Variants in COLEC10 observed in about 807,000 individuals in gnomAD.
COLEC10 encodes collectin-10.
COLEC10 carries 22 observed loss-of-function variants against 28.4 expected under a neutral mutation model. That is an observed-to-expected ratio of 0.78 (90% CI 0.55 to 1.11). The LOEUF (loss-of-function observed/expected upper bound fraction) is 1.11, where lower values mean the gene tolerates loss of function less well. Ranked by LOEUF, COLEC10 falls within the 50% of genes least tolerant of loss-of-function variation. COLEC10 has a pLI of 0.00. For missense variants in COLEC10, 361 were observed against 344.1 expected (o/e 1.05, Z -0.39); for synonymous variants, 125 against 116.1 (o/e 1.08, Z -0.49).
intron 2 of COLEC10, among the ~76,000 whole-genome samples, chr8:119,032,703 C>T (rs931083900): frequency 5.3e-5 from 8 of 152,130 alleles, no homozygotes; most frequent in African/African-American, 1.9e-4. Flanking sequence ...AGATTGAGAC[C>T]ACCCTGGCTA....
intron 3 of COLEC10, among the ~76,000 whole-genome samples, chr8:119,095,309 A>G (rs952324410): frequency 2.6e-5 from 4 of 152,238 alleles, no homozygotes; most frequent in Non-Finnish European, 5.9e-5. Context: ...ATCTAAGGTA[A>G]TGAAGGTAAA....
chr8:119,067,653 C>T lies in COLEC10; in HGVS notation c.148+224C>T, dbSNP rs918306282. ...GATGTTGGGAAGGGGAAACCCAGGA[C>T]GGAGATCTGAGGGAACTTACCCAGG... On this transcript the variant is annotated intron_variant, in intron 1 of 5. Coordinates refer to ENST00000332843, the MANE Select transcript of COLEC10 (RefSeq NM_006438.5). 9 of 479,218 alleles carry T rather than the reference C, an allele frequency of 1.9e-5. 1 individual carries two copies. In the South Asian group the frequency reaches 2.1e-4, roughly 11 times the overall value. The allele number at this position is 479,218 out of a possible 1,614,324, so 29.7% of individuals were successfully genotyped here. A position where few individuals can be genotyped will look rare whatever the true frequency, so the allele number is the denominator to read the frequency against.
chr8:119,106,398 C>G lies in COLEC10; in HGVS notation c.*207C>G. The G allele has an allele frequency of 1.9e-6, 1 of 514,938 alleles. No individual in the cohort carries two copies. Among genetic ancestry groups the G allele is most frequent in the South Asian group, 2.9e-5 (1 of 34,624 alleles). The allele number at this position is 514,938 out of a possible 1,614,324, so 31.9% of individuals were successfully genotyped here. On this transcript the variant is annotated 3_prime_UTR_variant, in exon 6 of 6. Transcript: ENST00000332843. The stretch of plus-strand genomic sequence containing the variant: ...GGTATATTATTGACCCAATAACTCG[C>G]CAGGTTACATGGGTCTTGAGAGAGA...
chr8:119,049,990 T>G (rs1443323002), intron 2 of COLEC10, among the ~76,000 whole-genome samples: 2 of 152,186 alleles, frequency 1.3e-5, no homozygotes, highest in African/African-American at 4.8e-5. Context: ...TGAAGTTGAT[T>G]GCCTGTTCTC....
rs181530860 is a variant in COLEC10 at position 119,096,938 on chromosome 8, G to A, written c.293-5410G>A. ...TTATACTTTGCTTCACTATACCATGGAAATAAATATACTATCTCAATATGC... is the reference window on the plus strand; with the variant it reads ...TTATACTTTGCTTCACTATACCATGAAAATAAATATACTATCTCAATATGC... On this transcript the variant is annotated intron_variant, in intron 3 of 5. Transcript: ENST00000332843. Among the ~76,000 whole-genome samples the A allele has an allele frequency of 9.2e-3, 1,395 of 151,914 alleles. 14 individuals are homozygous for A. The highest frequency in any genetic ancestry group is 0.015 in the Non-Finnish European group (1,043 of 67,918).
intron 2 of COLEC10, among the ~76,000 whole-genome samples, chr8:119,029,729 A>AG (rs35281152): frequency 0.63 from 95,290 of 151,932 alleles, 30,906 homozygotes; most frequent in African/African-American, 0.79. Flanking sequence ...ATCTCATTGA[A>AG]AACACAAATA....
At chr8:119,057,731 T>C (rs1296997330) in intron 2 of COLEC10, among the ~76,000 whole-genome samples, 1 of 152,080 alleles carries the variant, frequency 6.6e-6, no homozygotes, top group Non-Finnish European at 1.5e-5. Context: ...CAAGCTCAAA[T>C]TCCCATCATT....
chr8:118,968,224 C>T, the COLEC10 span, among the ~76,000 whole-genome samples: 1 of 151,476 alleles, frequency 6.6e-6, no homozygotes, highest in Admixed American at 6.6e-5. Flanking sequence ...AGATTCACTT[C>T]TAGGAACTCT....
chr8:119,047,372 T>C (rs1358491108), intron 2 of COLEC10, among the ~76,000 whole-genome samples: 3 of 152,206 alleles, frequency 2.0e-5, no homozygotes, highest in Non-Finnish European at 2.9e-5. Context: ...AGTGTGGCCA[T>C]GGCCAGCTGT....
At chr8:118,993,974 A>G (rs997393448), upstream of COLEC10, among the ~76,000 whole-genome samples, 3 of 152,172 alleles carry the variant, frequency 2.0e-5, no homozygotes, top group African/African-American at 7.2e-5. Context: ...TGTGTCTAAT[A>G]GCTAGGACTT....
chr8:119,080,900 A>G (rs980362858), intron 1 of COLEC10, among the ~76,000 whole-genome samples: 1 of 152,128 alleles, frequency 6.6e-6, no homozygotes, highest in Non-Finnish European at 1.5e-5. Flanking sequence ...AGCTCACTCT[A>G]TATCCAAGAG....
At chr8:119,085,604 T>C (rs1225882299) in intron 1 of COLEC10, among the ~76,000 whole-genome samples, 3,093 of 58,084 alleles carry the variant, frequency 0.053, 22 homozygotes, top group African/African-American at 0.14. Context: ...TTCTTCTTTT[T>C]TTTTTTTTTT....
chr8:119,028,006 T>C (rs1482918183), intron 2 of COLEC10, among the ~76,000 whole-genome samples: 1 of 152,182 alleles, frequency 6.6e-6, no homozygotes, highest in African/African-American at 2.4e-5. Flanking sequence ...TTGAAGGATC[T>C]GTGTCAAGGA....
chr8:119,038,313 A>G (rs1814428088), intron 2 of COLEC10, among the ~76,000 whole-genome samples: 1 of 152,346 alleles, frequency 6.6e-6, no homozygotes, highest in Admixed American at 6.5e-5. Context: ...TACTTGGTAA[A>G]ATATTTACTT....
At chr8:118,974,737 T>C in the COLEC10 span, among the ~76,000 whole-genome samples, 2 of 152,084 alleles carry the variant, frequency 1.3e-5, no homozygotes, top group Non-Finnish European at 2.9e-5. Flanking sequence ...CTCTGCACTA[T>C]GATGTTTTAT....
the COLEC10 span, among the ~76,000 whole-genome samples, chr8:118,963,143 A>T: frequency 6.6e-6 from 1 of 152,156 alleles, no homozygotes; most frequent in African/African-American, 2.4e-5. Flanking sequence ...AACCAAACAA[A>T]TCAGCTAAAG....
At chr8:119,024,517 C>T (rs976572009) in intron 2 of COLEC10, among the ~76,000 whole-genome samples, 2 of 151,712 alleles carry the variant, frequency 1.3e-5, no homozygotes, top group Admixed American at 6.6e-5. Context: ...GTAGAATCAC[C>T]CCCAACCAAC....
At chr8:118,997,340 T>G (rs1014543001) in intron 1 of COLEC10, among the ~76,000 whole-genome samples, 12 of 152,328 alleles carry the variant, frequency 7.9e-5, no homozygotes, top group African/African-American at 2.4e-4. Flanking sequence ...TTCTTGCTTT[T>G]GTTACCTGTG....
At chr8:119,061,455 A>G (rs995653122) in intron 2 of COLEC10, among the ~76,000 whole-genome samples, 3 of 148,314 alleles carry the variant, frequency 2.0e-5, no homozygotes, top group Non-Finnish European at 4.5e-5. Flanking sequence ...AAAAAAAAAA[A>G]CTCTTAAAAG....
Sources: allele counts gnomAD v4.1 joint callset (sites outside exome capture counted in the v4.1 genomes callset), GRCh38; gene constraint gnomAD v4.1.1; transcripts MANE v1.5; gene names NCBI Gene and HGNC (gene_info 2026-07-23, HGNC 2026-07-21).